THSD7B: variants seen among roughly 807,000 people sequenced by gnomAD.
The protein encoded by THSD7B is thrombospondin type-1 domain-containing protein 7B.
THSD7B carries 138 observed loss-of-function variants against 213.6 expected under a neutral mutation model. The ratio of observed to expected loss-of-function variants is 0.65; its 90% CI spans 0.56 to 0.74. The LOEUF is 0.74. Ranked by LOEUF, THSD7B falls within the 30% of genes least tolerant of loss-of-function variation. THSD7B has a pLI of 0.00. For synonymous variants in THSD7B, 742 were observed against 687.0 expected, an observed-to-expected ratio of 1.08 and a Z score of -1.25; for missense variants, 1,931 against 1,991.5, an observed-to-expected ratio of 0.97 and a Z score of 0.58.
chr2:137,670,270 C>T (rs72844592), intron 27 of THSD7B, among the ~76,000 whole-genome samples: 23,082 of 152,130 alleles, frequency 0.15, 2,350 homozygotes, highest in Middle Eastern at 0.27. Flanking sequence ...TCAGCCCTTT[C>T]CTACTCATAG....
intron 18 of THSD7B, among the ~76,000 whole-genome samples, chr2:137,617,037 A>G (rs899590812): frequency 6.6e-6 from 1 of 152,076 alleles, no homozygotes; most frequent in Non-Finnish European, 1.5e-5. Context: ...GAAAGAAAAA[A>G]AAAAATCCTC....
chr2:136,957,644 CA>C (rs1473214069), intron 2 of THSD7B, among the ~76,000 whole-genome samples: 1 of 152,016 alleles, frequency 6.6e-6, no homozygotes, highest in Admixed American at 6.6e-5. Flanking sequence ...GCGATAGAAA[CA>C]ATCTGATTAT....
chr2:137,167,919 G>A (rs906988073), intron 6 of THSD7B, among the ~76,000 whole-genome samples: 3 of 152,152 alleles, frequency 2.0e-5, no homozygotes, highest in African/African-American at 4.8e-5. Context: ...CACAGGAGCC[G>A]ACTTTAATCT....
chr2:137,422,096 C>T (rs567761791), intron 14 of THSD7B, among the ~76,000 whole-genome samples: 4 of 152,128 alleles, frequency 2.6e-5, no homozygotes, highest in South Asian at 2.1e-4. Flanking sequence ...CTTTGCTCAA[C>T]GGTTTGAAGC....
intron 12 of THSD7B, among the ~76,000 whole-genome samples, chr2:137,356,439 G>T (rs1201853652): frequency 6.6e-6 from 1 of 152,142 alleles, no homozygotes; most frequent in Non-Finnish European, 1.5e-5. Flanking sequence ...CTGAAGGAAA[G>T]CTGTCTTTAA....
intron 1 of THSD7B, among the ~76,000 whole-genome samples, chr2:136,852,755 A>G (rs1318001287): frequency 6.6e-6 from 1 of 152,204 alleles, no homozygotes; most frequent in African/African-American, 2.4e-5. Context: ...AGAGCACTCT[A>G]AATATTTTTA....
At chr2:137,431,324 TTAAGA>T (rs1687182028) in intron 14 of THSD7B, among the ~76,000 whole-genome samples, 1 of 152,122 alleles carries the variant, frequency 6.6e-6, no homozygotes, top group African/African-American at 2.4e-5. Flanking sequence ...AATGTTCAGG[TTAAGA>T]TAAAAGATTG....
At chr2:137,278,069 G>A (rs1573928885) in intron 12 of THSD7B, among the ~76,000 whole-genome samples, 2 of 152,068 alleles carry the variant, frequency 1.3e-5, no homozygotes, top group African/African-American at 4.8e-5. Context: ...TGGATCAAAG[G>A]AATGTCTGAA....
intron 12 of THSD7B, among the ~76,000 whole-genome samples, chr2:137,314,421 A>G (rs1227971203): frequency 6.6e-6 from 1 of 152,092 alleles, no homozygotes; most frequent in Non-Finnish European, 1.5e-5. Flanking sequence ...AATTTTTTTC[A>G]CAGTTTTCAA....
intron 16 of THSD7B, among the ~76,000 whole-genome samples, chr2:137,568,645 T>C (rs1287838282): frequency 2.0e-5 from 3 of 152,082 alleles, no homozygotes; most frequent in Non-Finnish European, 4.4e-5. Context: ...CACATGGCAG[T>C]AGGAGAAAGT....
At chr2:137,269,665 G>A (rs1682688827) in intron 10 of THSD7B, among the ~76,000 whole-genome samples, 1 of 152,108 alleles carries the variant, frequency 6.6e-6, no homozygotes, top group African/African-American at 2.4e-5. Flanking sequence ...ACATTAATTG[G>A]GAGTAGGGGA....
rs914946436 is a variant in THSD7B, at chr2:137,618,464, T to G, written c.3638T>G (p.Val1213Gly). 5.0e-6 allele frequency: 8 copies of G among 1,613,764 alleles called. No individual in the cohort carries two copies. The highest frequency in any genetic ancestry group is 5.9e-6 in the Non-Finnish European group (7 of 1,179,862). ...QGVRTRLLSC[V>G]CSDGKPVSMD... is the part of the protein sequence containing the mutation. ...GTCAGGACCCGCCTGCTAAGCTGTG[T>G]GTGCAGTGATGGCAAGCCAGTCAGC... is the stretch of plus-strand genomic sequence containing the variant. The change falls in exon 19 of 28, where the codon GTG (valine) becomes GGG (glycine). Residue 1213 changes from valine to glycine, a missense_variant. Transcript: ENST00000409968.
intron 3 of THSD7B, among the ~76,000 whole-genome samples, chr2:137,066,770 C>T (rs191693548): frequency 4.7e-4 from 72 of 152,204 alleles, no homozygotes; most frequent in East Asian, 3.1e-3. Context: ...GCCATTATTA[C>T]TTTAAACATC....
intron 1 of THSD7B, among the ~76,000 whole-genome samples, chr2:136,877,945 A>C: frequency 6.6e-6 from 1 of 151,884 alleles, no homozygotes; most frequent in Non-Finnish European, 1.5e-5. Flanking sequence ...TTATACTTTA[A>C]GTTTTAGGGT....
At chr2:137,101,273 C>A (rs938916836) in intron 4 of THSD7B, among the ~76,000 whole-genome samples, 5 of 152,154 alleles carry the variant, frequency 3.3e-5, no homozygotes, top group African/African-American at 7.2e-5. Flanking sequence ...AACTCCTGAT[C>A]TCAAGTGATC....
At chr2:137,162,549 A>G (rs1360063030) in intron 6 of THSD7B, among the ~76,000 whole-genome samples, 1 of 152,198 alleles carries the variant, frequency 6.6e-6, no homozygotes, top group East Asian at 1.9e-4. Context: ...TACTGCAGGC[A>G]GGTAGAAGCA....
chr2:137,457,345 A>G (rs965278030), intron 15 of THSD7B, among the ~76,000 whole-genome samples: 10 of 152,192 alleles, frequency 6.6e-5, no homozygotes, highest in Admixed American at 3.9e-4. Context: ...GGTATTTGCT[A>G]TGCACCTCTA....
At chr2:137,275,258 CT>C (rs1423279366) in intron 11 of THSD7B, among the ~76,000 whole-genome samples, 2 of 152,042 alleles carry the variant, frequency 1.3e-5, no homozygotes, top group Admixed American at 6.6e-5. Flanking sequence ...GTCCATTCCT[CT>C]TTCCTAAGAT....
At chr2:137,104,143 C>T (rs1688202702) in intron 4 of THSD7B, among the ~76,000 whole-genome samples, 1 of 152,152 alleles carries the variant, frequency 6.6e-6, no homozygotes, top group South Asian at 2.1e-4. Flanking sequence ...TAAAACACTC[C>T]TCAGCAAATG....
Sources: allele counts gnomAD v4.1 joint callset (sites outside exome capture counted in the v4.1 genomes callset), GRCh38; gene constraint gnomAD v4.1.1; transcripts MANE v1.5; gene names NCBI Gene and HGNC (gene_info 2026-07-23, HGNC 2026-07-21).